Variants in FBXL7 observed in about 807,000 individuals in gnomAD.
FBXL7 encodes the protein F-box and leucine rich repeat protein 7, also known as F-box/LRR-repeat protein 7.
A neutral mutation model predicts 38.3 loss-of-function variants in FBXL7; 12 were observed. The observed-to-expected ratio is 0.31, with a 90% CI of 0.20 to 0.51. The LOEUF is 0.51. Ranked by LOEUF, FBXL7 falls within the 20% of genes least tolerant of loss-of-function variation. The probability of loss-of-function intolerance (pLI) is 0.98; values close to 1 mark genes in which losing one functional copy is unlikely to be tolerated. For missense variants in FBXL7, 567 were observed against 676.4 expected, an observed-to-expected ratio of 0.84 and a Z score of 1.79; for synonymous variants, 297 against 300.9, an observed-to-expected ratio of 0.99 and a Z score of 0.13.
intron 1 of FBXL7, among the ~76,000 whole-genome samples, chr5:15,569,676 A>G (rs1217303845): frequency 6.6e-6 from 1 of 152,062 alleles, no homozygotes; most frequent in Non-Finnish European, 1.5e-5. Context: ...GCCAGTTTTC[A>G]AAGGGAATGC....
intron 2 of FBXL7, among the ~76,000 whole-genome samples, chr5:15,690,880 T>A (rs926798959): frequency 6.6e-6 from 1 of 152,170 alleles, no homozygotes; most frequent in African/African-American, 2.4e-5. Context: ...AGTACTGCTG[T>A]AATTGTAGGA....
At chr5:15,796,773 G>T (rs1183086907) in intron 2 of FBXL7, among the ~76,000 whole-genome samples, 1 of 152,132 alleles carries the variant, frequency 6.6e-6, no homozygotes, top group African/African-American at 2.4e-5. Flanking sequence ...GGCCAATAAG[G>T]ATTACAGAAT....
chr5:15,854,314 C>G (rs1031750603), intron 2 of FBXL7, among the ~76,000 whole-genome samples: 2 of 152,054 alleles, frequency 1.3e-5, no homozygotes, highest in African/African-American at 4.8e-5. Context: ...ATAGGTCAGC[C>G]TAAAGGTGAA....
intron 1 of FBXL7, among the ~76,000 whole-genome samples, chr5:15,558,062 T>C (rs926472646): frequency 6.6e-6 from 1 of 152,182 alleles, no homozygotes; most frequent in Non-Finnish European, 1.5e-5. Flanking sequence ...CGGCAAATTT[T>C]GGAAATGGTG....
chr5:15,528,609 T>C (rs1322363429), intron 1 of FBXL7, among the ~76,000 whole-genome samples: 1 of 152,190 alleles, frequency 6.6e-6, no homozygotes, highest in South Asian at 2.1e-4. Flanking sequence ...ATTAGACTTA[T>C]TCACTACCAC....
chr5:15,699,760 G>T (rs1219048776), intron 2 of FBXL7, among the ~76,000 whole-genome samples: 1 of 152,150 alleles, frequency 6.6e-6, no homozygotes, highest in Non-Finnish European at 1.5e-5. Flanking sequence ...GACTCAGTAG[G>T]TAGGAGATTG....
intron 1 of FBXL7, among the ~76,000 whole-genome samples, chr5:15,530,354 A>G (rs1298431667): frequency 1.3e-5 from 2 of 152,218 alleles, no homozygotes; most frequent in African/African-American, 4.8e-5. Flanking sequence ...AAAATAGAAT[A>G]AGACACTATT....
intron 1 of FBXL7, among the ~76,000 whole-genome samples, chr5:15,538,670 G>T (rs1423475299): frequency 6.6e-6 from 1 of 152,114 alleles, no homozygotes; most frequent in Non-Finnish European, 1.5e-5. Flanking sequence ...TGTCTTCCTT[G>T]TCTCCTGGCA....
chr5:15,700,417 A>G (rs1435580868), intron 2 of FBXL7, among the ~76,000 whole-genome samples: 1 of 152,212 alleles, frequency 6.6e-6, no homozygotes, highest in African/African-American at 2.4e-5. Context: ...AGGCTTCTGC[A>G]TGGAACCAAT....
intron 1 of FBXL7, among the ~76,000 whole-genome samples, chr5:15,524,130 C>CT (rs796999903): frequency 1.3e-5 from 2 of 152,104 alleles, no homozygotes; most frequent in African/African-American, 2.4e-5. Context: ...ATTTTATGCA[C>CT]TTTTTTTTCC....
rs1742229710 is a variant in FBXL7 at position 15,937,482 on chromosome 5, C to T, written c.*296C>T. On this transcript the variant is annotated 3_prime_UTR_variant, in exon 4 of 4. Coordinates refer to ENST00000504595, the MANE Select transcript of FBXL7 (RefSeq NM_012304.5). ...GTTCCTTGAGCAAGGCGCTTACTCT[C>T]CTCCGCTCAGGCCCCCAAGGCCGCC... 3.1e-6 allele frequency: 1 copy of T among 322,484 alleles called. No homozygotes were observed. Among genetic ancestry groups the T allele is most frequent in the African/African-American group, 2.1e-5 (1 of 47,230 alleles). The allele number at this position is 322,484 out of a possible 1,614,324, so 20.0% of individuals were successfully genotyped here.
chr5:15,501,694 G>A, intron 1 of FBXL7: 2 of 985,432 alleles, frequency 2.0e-6, no homozygotes, highest in Non-Finnish European at 2.4e-6. Context: ...TTATCATCCT[G>A]TTCGAAACTT....
chr5:15,792,200 AG>A (rs1737295104), intron 2 of FBXL7, among the ~76,000 whole-genome samples: 1 of 152,194 alleles, frequency 6.6e-6, no homozygotes. Context: ...TGTGTGTTAA[AG>A]CAAACTCTTC....
intron 1 of FBXL7, among the ~76,000 whole-genome samples, chr5:15,610,192 A>C (rs979833762): frequency 3.9e-5 from 6 of 152,210 alleles, no homozygotes; most frequent in African/African-American, 1.4e-4. Context: ...GCTACAATTC[A>C]AGATGAGATT....
intron 1 of FBXL7, among the ~76,000 whole-genome samples, chr5:15,506,823 A>T (rs1219503146): frequency 6.6e-6 from 1 of 151,848 alleles, no homozygotes; most frequent in Non-Finnish European, 1.5e-5. Context: ...TCCAAATGCT[A>T]TCACGTTGGG....
At chr5:15,912,535 A>G (rs985668659) in intron 2 of FBXL7, among the ~76,000 whole-genome samples, 1 of 151,978 alleles carries the variant, frequency 6.6e-6, no homozygotes, top group Non-Finnish European at 1.5e-5. Flanking sequence ...CTATTTGGCC[A>G]TCTTGGCTCC....
intron 1 of FBXL7, among the ~76,000 whole-genome samples, chr5:15,511,363 T>C (rs1404931137): frequency 6.6e-6 from 1 of 152,200 alleles, no homozygotes; most frequent in Non-Finnish European, 1.5e-5. Context: ...AGGACATTAG[T>C]AACTTTTAAT....
chr5:15,922,929 A>G (rs1333660307), intron 2 of FBXL7, among the ~76,000 whole-genome samples: 2 of 152,218 alleles, frequency 1.3e-5, no homozygotes, highest in Admixed American at 1.3e-4. Context: ...CATCAGATCA[A>G]TGGAAATTCA....
At chr5:15,740,509 A>C (rs959566367) in intron 2 of FBXL7, among the ~76,000 whole-genome samples, 4 of 152,194 alleles carry the variant, frequency 2.6e-5, no homozygotes, top group African/African-American at 9.6e-5. Flanking sequence ...TTTCATTTGA[A>C]GTGTTTTCCT....
Sources: gnomAD v4.1 joint callset for allele counts (sites outside exome capture counted in the v4.1 genomes callset) on GRCh38, gnomAD v4.1.1 for gene constraint, MANE v1.5 for transcripts, NCBI Gene and HGNC (gene_info 2026-07-23, HGNC 2026-07-21) for gene names.